SNX29: variants seen among roughly 807,000 people sequenced by gnomAD.
SNX29 encodes the protein sorting nexin-29.
SNX29 carries 78 observed loss-of-function variants against 102.1 expected under a neutral mutation model. The observed-to-expected ratio is 0.76, with a 90% CI of 0.64 to 0.92. The LOEUF (loss-of-function observed/expected upper bound fraction) is 0.92. Among genes scored for constraint, SNX29 ranks in the 40% least tolerant of loss-of-function variants. The probability of loss-of-function intolerance (pLI) is 0.00; values close to 1 mark genes in which losing one functional copy is unlikely to be tolerated. For missense variants in SNX29, 1,280 were observed against 1,061.7 expected, an observed-to-expected ratio of 1.21 and a Z score of -2.86; for synonymous variants, 580 against 414.5, an observed-to-expected ratio of 1.40 and a Z score of -4.85.
rs146110542 is a variant in SNX29 at position 12,226,199 on chromosome 16, G to A, written c.1678+26516G>A. On this transcript the variant is annotated intron_variant, in intron 14 of 20. Coordinates refer to ENST00000566228, the MANE Select transcript of SNX29 (RefSeq NM_032167.5). ...GTTTAATGTTAATAGGCAGCCACTA[G>A]AAAGGTGCAGAATAAATCGAATTAA... 3.7e-3 allele frequency among the ~76,000 whole-genome samples: 556 copies of A among 152,314 alleles called. 4 individuals carry two copies. Among genetic ancestry groups the A allele is most frequent in the African/African-American group, 0.013 (529 of 41,558 alleles).
chr16:12,206,855 A>T (rs138111376), intron 14 of SNX29, among the ~76,000 whole-genome samples: 290 of 137,470 alleles, frequency 2.1e-3, no homozygotes, highest in African/African-American at 7.4e-3. Flanking sequence ...AAATGATTCC[A>T]GTGTGCAGGT....
At chr16:12,370,935 C>T (rs911662671) in intron 16 of SNX29, among the ~76,000 whole-genome samples, 1 of 152,222 alleles carries the variant, frequency 6.6e-6, no homozygotes, top group African/African-American at 2.4e-5. Context: ...ACCTGTTCTT[C>T]TGGAAATAAC....
intron 1 of SNX29, among the ~76,000 whole-genome samples, chr16:11,982,813 A>T (rs1359926999): frequency 6.6e-6 from 1 of 152,170 alleles, no homozygotes; most frequent in African/African-American, 2.4e-5. Context: ...TGTGTAACAG[A>T]TGAGCTCTAA....
Position 12,569,369 on chromosome 16 carries a change from G to A in SNX29, c.*740G>A, listed in dbSNP as rs538705951. On this transcript the variant is annotated 3_prime_UTR_variant, in exon 21 of 21. Coordinates refer to ENST00000566228, the MANE Select transcript of SNX29 (RefSeq NM_032167.5). ...GGCCCTCGCCAGGCTTGGAGTGGGG[G>A]GACTCAGACATCTGGCCCAGCCATC... is the stretch of plus-strand genomic sequence containing the variant. The A allele has an allele frequency of 4.3e-5, 10 of 230,296 alleles. No homozygotes were observed. Among genetic ancestry groups the A allele is most frequent in the Admixed American group, 3.4e-4 (6 of 17,640 alleles). 14.3% of individuals were successfully genotyped at this position (230,296 alleles called of 1,614,324 possible).
chr16:12,040,537 A>G (rs1419746432), intron 4 of SNX29, among the ~76,000 whole-genome samples: 3 of 152,174 alleles, frequency 2.0e-5, no homozygotes, highest in Non-Finnish European at 4.4e-5. Context: ...ATCTGTTCCT[A>G]TCCTCAGACT....
At chr16:12,334,176 G>A (rs1469367690) in intron 15 of SNX29, among the ~76,000 whole-genome samples, 2 of 152,156 alleles carry the variant, frequency 1.3e-5, no homozygotes, top group Admixed American at 1.3e-4. Context: ...GCAGCAAAAT[G>A]ACAAATGTTG....
chr16:12,536,459 G>A (rs1161051587), intron 20 of SNX29, among the ~76,000 whole-genome samples: 2 of 152,074 alleles, frequency 1.3e-5, no homozygotes, highest in African/African-American at 4.8e-5. Flanking sequence ...TTGACTCAAG[G>A]CTATGCCGTT....
At position 12,571,871 on chromosome 16, in the gene SNX29, G is replaced by A. The variant is rs562508973; in HGVS notation, c.*3242G>A. 143 of 1,061,680 alleles carry A rather than the reference G, an allele frequency of 1.3e-4. 1 individual carries two copies. The African/African-American group carries it at 2.1e-3, about 16-fold the overall frequency. 65.8% of individuals were successfully genotyped at this position (1,061,680 alleles called of 1,614,324 possible). A position where few individuals can be genotyped will look rare whatever the true frequency, so the allele number is the denominator to read the frequency against. ...ATCACGTTGCTGGCAAGGCATTTTA[G>A]AGTTTGGAGCTGAGGTTCAAAGCCC... On this transcript the variant is annotated 3_prime_UTR_variant, in exon 21 of 21. Coordinates refer to ENST00000566228, the MANE Select transcript of SNX29 (RefSeq NM_032167.5).
chr16:12,513,259 C>T (rs921499459), intron 19 of SNX29, among the ~76,000 whole-genome samples: 15 of 150,224 alleles, frequency 1.0e-4, no homozygotes, highest in Non-Finnish European at 1.6e-4. Context: ...CCTCCTCTCC[C>T]CTCCCCTTCC....
intron 20 of SNX29, among the ~76,000 whole-genome samples, chr16:12,565,575 A>C (rs1598102968): frequency 1.3e-5 from 2 of 151,976 alleles, no homozygotes; most frequent in Admixed American, 1.3e-4. Flanking sequence ...CTACTGTCAC[A>C]CCCTCAACCA....
chr16:12,154,408 G>GT (rs959878602), intron 13 of SNX29, among the ~76,000 whole-genome samples: 22 of 151,960 alleles, frequency 1.4e-4, no homozygotes, highest in African/African-American at 3.6e-4. Context: ...GAAGCAGGCT[G>GT]TTTTTTTTGG....
intron 20 of SNX29, among the ~76,000 whole-genome samples, chr16:12,540,687 T>G (rs542775514): frequency 1.3e-5 from 2 of 152,316 alleles, no homozygotes; most frequent in Admixed American, 6.5e-5. Flanking sequence ...TCCCTCTTGT[T>G]GTAGAAGCTC....
At chr16:11,990,136 A>G (rs1453037857) in intron 1 of SNX29, among the ~76,000 whole-genome samples, 1 of 152,174 alleles carries the variant, frequency 6.6e-6, no homozygotes, top group Non-Finnish European at 1.5e-5. Context: ...GGTTAAACGT[A>G]TGTCTCAGTA....
intron 19 of SNX29, among the ~76,000 whole-genome samples, chr16:12,505,557 T>C (rs1261000777): frequency 6.6e-6 from 1 of 152,128 alleles, no homozygotes. Flanking sequence ...CTGTGGGATA[T>C]GTAGAGATAG....
chr16:12,263,327 C>T (rs1272911063), intron 14 of SNX29, among the ~76,000 whole-genome samples: 1 of 152,096 alleles, frequency 6.6e-6, no homozygotes, highest in Non-Finnish European at 1.5e-5. Flanking sequence ...GGGGTTCTGC[C>T]ATGTTGGCCA....
At chr16:12,297,789 C>A (rs559474257) in intron 15 of SNX29, among the ~76,000 whole-genome samples, 1 of 152,300 alleles carries the variant, frequency 6.6e-6, no homozygotes, top group African/African-American at 2.4e-5. Context: ...GCTTCCACGT[C>A]TGGCTCCACC....
intron 20 of SNX29, among the ~76,000 whole-genome samples, chr16:12,535,958 A>T (rs888782736): frequency 6.6e-6 from 1 of 152,172 alleles, no homozygotes; most frequent in Non-Finnish European, 1.5e-5. Flanking sequence ...AACTTCTGAG[A>T]GCTTTGACCC....
chr16:12,054,577 G>T (rs77382561), intron 8 of SNX29, among the ~76,000 whole-genome samples: 1,728 of 152,244 alleles, frequency 0.011, 109 homozygotes, highest in Admixed American at 0.09. Flanking sequence ...ATGGCTTTTC[G>T]GCCCTGGGCC....
intron 20 of SNX29, among the ~76,000 whole-genome samples, chr16:12,544,728 C>T (rs181085566): frequency 6.6e-6 from 1 of 152,154 alleles, no homozygotes; most frequent in Non-Finnish European, 1.5e-5. Flanking sequence ...GGAGGGGAAA[C>T]CTCGGCCCAG....
Sources: allele counts gnomAD v4.1 joint callset (sites outside exome capture counted in the v4.1 genomes callset), GRCh38; gene constraint gnomAD v4.1.1; transcripts MANE v1.5; gene names NCBI Gene and HGNC (gene_info 2026-07-23, HGNC 2026-07-21).